The following LRCH3 variants were observed in gnomAD, a reference collection of about 807,000 sequenced individuals.
The protein encoded by LRCH3 is DISP complex protein LRCH3.
In LRCH3, 68 loss-of-function variants were observed where a neutral mutation model predicts 104.5. The observed-to-expected ratio is 0.65, with a 90% CI of 0.54 to 0.80. The LOEUF (loss-of-function observed/expected upper bound fraction) is 0.80. Ranked by LOEUF, LRCH3 falls within the 30% of genes least tolerant of loss-of-function variation. LRCH3 has a pLI of 0.00. For synonymous variants in LRCH3, 344 were observed against 361.3 expected (o/e 0.95, Z 0.54); for missense variants, 951 against 953.9 (o/e 1.00, Z 0.04).
intron 8 of LRCH3, among the ~76,000 whole-genome samples, chr3:197,832,837 G>A (rs1050695917): frequency 3.3e-5 from 5 of 152,104 alleles, no homozygotes; most frequent in East Asian, 1.9e-4. Context: ...TTATACTTCC[G>A]AAGCAGACTC....
chr3:197,814,335 A>G (rs966899250), intron 1 of LRCH3, among the ~76,000 whole-genome samples: 2 of 152,244 alleles, frequency 1.3e-5, no homozygotes, highest in Non-Finnish European at 2.9e-5. Flanking sequence ...ACCGGCCTCC[A>G]TGATTGAATT....
intron 1 of LRCH3, among the ~76,000 whole-genome samples, chr3:197,804,554 A>G (rs1732260208): frequency 1.3e-5 from 2 of 152,158 alleles, no homozygotes; most frequent in African/African-American, 4.8e-5. Flanking sequence ...CCTCACTCCT[A>G]TCCTGAGGAC....
chr3:197,865,980 C>T (rs922383334), intron 16 of LRCH3, 132 bp from the exon 17 acceptor site: 12 of 669,476 alleles, frequency 1.8e-5, no homozygotes, highest in Admixed American at 1.1e-4. Context: ...CTGTACCAGA[C>T]TTTTCATCAT....
intron 10 of LRCH3, among the ~76,000 whole-genome samples, chr3:197,840,053 C>T (rs112100475): frequency 7.8e-4 from 118 of 151,862 alleles, no homozygotes; most frequent in Middle Eastern, 3.4e-3. Context: ...GACTGGATAA[C>T]AGAGAGAAAT....
chr3:197,883,058 T>C lies in LRCH3; in HGVS notation c.2209-483T>C. 1 of 985,928 alleles carries C rather than the reference T, an allele frequency of 1.0e-6. No homozygotes were observed. The highest frequency in any genetic ancestry group is 1.2e-6 in the Non-Finnish European group (1 of 830,308). 61.1% of individuals were successfully genotyped at this position (985,928 alleles called of 1,614,324 possible). A position where few individuals can be genotyped will look rare whatever the true frequency, so the allele number is the denominator to read the frequency against. On this transcript the variant is annotated intron_variant, in intron 20 of 20. Transcript: ENST00000425562. This position sits in a 1 kb window ranked among gnomAD's most constrained non-coding sequence, Gnocchi z 4.2. ...AGTCAGGATTATAATGCAGATAGCGTAGAACTCATGCAGGCTGAGTTATGT... is the reference window on the plus strand; with the variant it reads ...AGTCAGGATTATAATGCAGATAGCGCAGAACTCATGCAGGCTGAGTTATGT...
At chr3:197,873,331 AAT>A (rs1712457632) in intron 19 of LRCH3, among the ~76,000 whole-genome samples, 1 of 152,162 alleles carries the variant, frequency 6.6e-6, no homozygotes, top group African/African-American at 2.4e-5. Flanking sequence ...TTACAGATGT[AAT>A]ATACTTTTCC....
intron 1 of LRCH3, among the ~76,000 whole-genome samples, chr3:197,807,994 G>T (rs1195458483): frequency 6.6e-6 from 1 of 152,142 alleles, no homozygotes; most frequent in East Asian, 1.9e-4. Flanking sequence ...GAGAAGGAAA[G>T]TCTTTTATAT....
Position 197,835,674 on chromosome 3 carries a change from T to G in LRCH3, c.1103T>G (p.Val368Gly). The change falls in exon 9 of 21, where the codon GTG becomes GGG. Residue 368 changes from valine (V) to glycine (G), a missense_variant and splice_region_variant. By Grantham distance (109) the Val-to-Gly change is moderately radical. Coordinates refer to ENST00000425562, the MANE Select transcript of LRCH3 (RefSeq NM_001365715.1). The stretch of plus-strand genomic sequence containing the variant: ...GTGGGTGTGTGTGTGGTGTATACAG[T>G]GGAACATGATCTGGATCAGATTGAC... ...RGSLVVTNGGVEHDLDQIDYI... is the reference protein window; with the variant it reads ...RGSLVVTNGGGEHDLDQIDYI... 1.9e-6 allele frequency: 3 copies of G among 1,612,260 alleles called. No homozygotes were observed. Among genetic ancestry groups the G allele is most frequent in the Non-Finnish European group, 2.5e-6 (3 of 1,179,156 alleles).
intron 1 of LRCH3, among the ~76,000 whole-genome samples, chr3:197,796,035 T>C (rs1023749785): frequency 3.9e-5 from 6 of 152,080 alleles, no homozygotes; most frequent in Non-Finnish European, 7.4e-5. Context: ...ACAGTGAAAC[T>C]ACCCGTGATG....
chr3:197,864,709 C>CTT lies in LRCH3; in HGVS notation c.1717-698_1717-697dup, dbSNP rs11367873. Among the ~76,000 whole-genome samples, 211 of 132,938 alleles carry CTT rather than the reference C, an allele frequency of 1.6e-3. 1 individual carries two copies. Among genetic ancestry groups the CTT allele is most frequent in the African/African-American group, 5.4e-3 (190 of 35,498 alleles). The allele number at this position is 132,938 out of a possible 152,430, so 87.2% of individuals were successfully genotyped here. Reference sequence around the variant, plus strand: ...ATCCTCATTTCTTTTTCTTCTTCTTCTTTTTTTTTTTTTTTTTCCAAAGGG... The same window carrying CTT: ...ATCCTCATTTCTTTTTCTTCTTCTTCTTTTTTTTTTTTTTTTTTTCCAAAGGG... On this transcript the variant is annotated intron_variant, in intron 15 of 20. Coordinates refer to ENST00000425562, the MANE Select transcript of LRCH3 (RefSeq NM_001365715.1).
chr3:197,811,952 A>T (rs1733170053), intron 1 of LRCH3, among the ~76,000 whole-genome samples: 1 of 152,244 alleles, frequency 6.6e-6, no homozygotes, highest in Non-Finnish European at 1.5e-5. Context: ...TTTTTAAGGT[A>T]CATGTCACTA....
intron 16 of LRCH3, 103 bp from the exon 17 acceptor site, chr3:197,866,009 A>G: frequency 1.2e-6 from 1 of 820,286 alleles, no homozygotes; most frequent in Middle Eastern, 2.8e-4. Flanking sequence ...ATTATTTTAT[A>G]TCATTGCCAT....
Position 197,810,875 on chromosome 3 carries a change from A to T in LRCH3, c.263-4033A>T, listed in dbSNP as rs557018277. 1.1e-4 allele frequency among the ~76,000 whole-genome samples: 16 copies of T among 152,048 alleles called. No homozygotes were observed. Among genetic ancestry groups the T allele is most frequent in the African/African-American group, 1.9e-4 (8 of 41,506 alleles). On this transcript the variant is annotated intron_variant, in intron 1 of 20. Transcript: ENST00000425562. This position sits in a 1 kb window ranked among gnomAD's most constrained non-coding sequence, Gnocchi z 4.0. ...TTAAAAGATAACCTAAAGTCAGGTT[A>T]AAAAAAATAAGACTTTTGAATGAAA... is the stretch of plus-strand genomic sequence containing the variant.
At chr3:197,838,946 T>C (rs1737357291) in intron 9 of LRCH3, among the ~76,000 whole-genome samples, 1 of 152,124 alleles carries the variant, frequency 6.6e-6, no homozygotes, top group East Asian at 1.9e-4. Flanking sequence ...TGAGCAAATG[T>C]TAGGGTAGGG....
Position 197,883,279 on chromosome 3 carries a change from T to C in LRCH3, c.2209-262T>C. ...GCGGTATTGTTTTCCCTCTGTTGTA[T>C]GTATAGATATATGCTACTTGTCAAT... On this transcript the variant is annotated intron_variant, in intron 20 of 20. Transcript: ENST00000425562. This position sits in a 1 kb window ranked among gnomAD's most constrained non-coding sequence, Gnocchi z 4.2. 1 of 1,198,156 alleles carries C rather than the reference T, an allele frequency of 8.3e-7. No homozygotes were observed. The highest frequency in any genetic ancestry group is 1.0e-6 in the Non-Finnish European group (1 of 961,504). The allele number at this position is 1,198,156 out of a possible 1,614,324, so 74.2% of individuals were successfully genotyped here. A position where few individuals can be genotyped will look rare whatever the true frequency, so the allele number is the denominator to read the frequency against.
intron 20 of LRCH3, chr3:197,882,036 A>C (rs1266230354): frequency 4.9e-5 from 48 of 985,322 alleles, no homozygotes; most frequent in Non-Finnish European, 5.5e-5. Context: ...TTATATTTTT[A>C]AGATGTCTCA....
chr3:197,843,462 C>A (rs1452405655), intron 10 of LRCH3, among the ~76,000 whole-genome samples: 2 of 152,102 alleles, frequency 1.3e-5, no homozygotes, highest in Non-Finnish European at 2.9e-5. Flanking sequence ...GCAGGTGGAT[C>A]CCCTAAGGTC....
chr3:197,826,481 G>T (rs899136426), intron 4 of LRCH3, among the ~76,000 whole-genome samples: 2 of 152,172 alleles, frequency 1.3e-5, no homozygotes, highest in Non-Finnish European at 2.9e-5. Context: ...AAAATAACTT[G>T]CTGATTCCTG....
In LRCH3 at chr3:197,882,024, G is replaced by A. The variant is rs1333206992; in HGVS notation, c.2209-1517G>A. 3 of 985,248 alleles carry A rather than the reference G, an allele frequency of 3.0e-6. No homozygotes were observed. The Admixed American group carries it at 1.8e-4, about 61-fold the overall frequency. The allele number at this position is 985,248 out of a possible 1,614,324, so 61.0% of individuals were successfully genotyped here. On this transcript the variant is annotated intron_variant, in intron 20 of 20. Transcript: ENST00000425562. The stretch of plus-strand genomic sequence containing the variant: ...CTTTCAGACTTTGGGGAATTGGGTT[G>A]GTTATATTTTTAAGATGTCTCAGAG...
Sources: allele counts gnomAD v4.1 joint callset (sites outside exome capture counted in the v4.1 genomes callset), GRCh38; gene constraint gnomAD v4.1.1; non-coding constraint Gnocchi (gnomAD v3.1); transcripts MANE v1.5; gene names NCBI Gene and HGNC (gene_info 2026-07-23, HGNC 2026-07-21).